The following KCNH8 variants were observed in gnomAD, a reference collection of about 807,000 sequenced individuals.
The protein encoded by KCNH8 is potassium voltage-gated channel subfamily H member 8, also known as voltage-gated delayed rectifier potassium channel KCNH8.
Under a neutral mutation model 103.6 loss-of-function variants are expected in KCNH8, and 70 were observed. That is an observed-to-expected ratio of 0.68 (90% CI 0.56 to 0.82). The LOEUF is 0.82. Among genes scored for constraint, KCNH8 ranks in the 40% least tolerant of loss-of-function variants. KCNH8 has a pLI of 0.00. For missense variants in KCNH8, 1,217 were observed against 1,329.9 expected (o/e 0.92, Z 1.32); for synonymous variants, 498 against 489.4 (o/e 1.02, Z -0.23).
At chr3:19,266,401 C>T (rs1438823084) in intron 2 of KCNH8, among the ~76,000 whole-genome samples, 1 of 152,132 alleles carries the variant, frequency 6.6e-6, no homozygotes, top group Non-Finnish European at 1.5e-5. Context: ...CTACTCCCCA[C>T]TTCCAAATTC....
chr3:19,175,708 A>G (rs959851325), intron 1 of KCNH8, among the ~76,000 whole-genome samples: 1 of 152,196 alleles, frequency 6.6e-6, no homozygotes, highest in Non-Finnish European at 1.5e-5. Flanking sequence ...TCTTTTGGAA[A>G]TACTGTCAAA....
At chr3:19,187,638 A>G (rs762955482) in intron 1 of KCNH8, among the ~76,000 whole-genome samples, 16 of 152,256 alleles carry the variant, frequency 1.1e-4, no homozygotes, top group Admixed American at 2.0e-4. Context: ...TTTGAAACAG[A>G]TAGCTTTCCT....
intron 5 of KCNH8, among the ~76,000 whole-genome samples, chr3:19,371,136 G>T (rs2066086738): frequency 6.6e-6 from 1 of 150,726 alleles, no homozygotes; most frequent in Non-Finnish European, 1.5e-5. Context: ...GTAATGGGAT[G>T]GCTGGGTCAA....
intron 1 of KCNH8, among the ~76,000 whole-genome samples, chr3:19,230,262 T>A (rs953653579): frequency 6.6e-6 from 1 of 152,202 alleles, no homozygotes; most frequent in Non-Finnish European, 1.5e-5. Context: ...ATATCAGATG[T>A]TAAGCAGAAA....
At chr3:19,291,866 G>A (rs1395708113) in intron 3 of KCNH8, among the ~76,000 whole-genome samples, 7 of 152,128 alleles carry the variant, frequency 4.6e-5, no homozygotes, top group Non-Finnish European at 1.0e-4. Flanking sequence ...CTTGAAACCG[G>A]CATAGGGCTT....
rs1400751376 is a variant in KCNH8, at chr3:19,360,116, C to A, written c.811+12151C>A. On this transcript the variant is annotated intron_variant, in intron 5 of 15. Coordinates refer to ENST00000328405, the MANE Select transcript of KCNH8 (RefSeq NM_144633.3). ...AGGACAGAAATTATACCCTAGATAG[C>A]AAATGAAAATAAGAACAATGTGGCA... 2.6e-5 allele frequency among the ~76,000 whole-genome samples: 4 copies of A among 151,878 alleles called. No individual in the cohort carries two copies. The East Asian group carries it at 7.7e-4, about 29-fold the overall frequency.
intron 1 of KCNH8, among the ~76,000 whole-genome samples, chr3:19,153,956 A>G (rs140953067): frequency 2.0e-3 from 300 of 152,222 alleles, no homozygotes; most frequent in African/African-American, 6.7e-3. Context: ...ATAATATTCA[A>G]TGAATACCAA....
chr3:19,300,706 A>C lies in KCNH8; in HGVS notation c.442+19377A>C, dbSNP rs2065054107. Among the ~76,000 whole-genome samples, 6 of 152,132 alleles carry C rather than the reference A, an allele frequency of 3.9e-5. 1 individual carries two copies. The South Asian group carries it at 1.2e-3, about 31-fold the overall frequency. On this transcript the variant is annotated intron_variant, in intron 3 of 15. Coordinates refer to ENST00000328405, the MANE Select transcript of KCNH8 (RefSeq NM_144633.3). ...TCCTTTATGAGAGTCCTGGGGAAAC[A>C]TTTAGGTCAGGATATGACTTTTGGT...
intron 3 of KCNH8, among the ~76,000 whole-genome samples, chr3:19,301,862 C>T (rs73819514): frequency 0.11 from 16,093 of 152,156 alleles, 980 homozygotes; most frequent in East Asian, 0.17. Flanking sequence ...CTCAGGGGCA[C>T]ACTTTATTTA....
At chr3:19,494,599 C>G (rs776684561) in intron 11 of KCNH8, among the ~76,000 whole-genome samples, 6 of 152,014 alleles carry the variant, frequency 3.9e-5, no homozygotes, top group Non-Finnish European at 7.4e-5. Context: ...ATTCAGTCTT[C>G]TATTTATGGC....
chr3:19,222,473 A>C (rs1481567652), intron 1 of KCNH8, among the ~76,000 whole-genome samples: 4 of 152,312 alleles, frequency 2.6e-5, no homozygotes, highest in Non-Finnish European at 5.9e-5. Context: ...CTTGAACTAG[A>C]GTTGACTAAT....
At chr3:19,170,789 CATAT>C (rs35694087) in intron 1 of KCNH8, among the ~76,000 whole-genome samples, 31 of 108,014 alleles carry the variant, frequency 2.9e-4, no homozygotes, top group Admixed American at 5.9e-4. Flanking sequence ...CACACACACA[CATAT>C]ATATATATAT....
At chr3:19,268,493 A>G (rs750784315) in intron 2 of KCNH8, among the ~76,000 whole-genome samples, 6 of 152,100 alleles carry the variant, frequency 3.9e-5, no homozygotes, top group Non-Finnish European at 7.4e-5. Flanking sequence ...TAGGTAAACC[A>G]AGTTAGATCA....
intron 1 of KCNH8, among the ~76,000 whole-genome samples, chr3:19,222,268 C>A (rs747266682): frequency 3.9e-5 from 6 of 152,130 alleles, no homozygotes; most frequent in Non-Finnish European, 8.8e-5. Context: ...GGGCTATGCC[C>A]TTCTACATAA....
At chr3:19,496,230 T>C (rs940646657) in intron 11 of KCNH8, among the ~76,000 whole-genome samples, 2 of 152,220 alleles carry the variant, frequency 1.3e-5, no homozygotes, top group Admixed American at 6.5e-5. Context: ...TCCAGTACTA[T>C]GTTGAATAGG....
At chr3:19,320,389 AC>A (rs1283662385) in intron 3 of KCNH8, among the ~76,000 whole-genome samples, 1 of 150,704 alleles carries the variant, frequency 6.6e-6, no homozygotes, top group Non-Finnish European at 1.5e-5. Flanking sequence ...ATTTTGTTGA[AC>A]CCTTTTTCTG....
At position 19,281,194 on chromosome 3, in the gene KCNH8, G is replaced by T; in HGVS notation, c.311-4G>T. 6.2e-7 allele frequency: 1 copy of T among 1,606,572 alleles called. No homozygotes were observed. ...TTTGTATTTTTTTTTCTTTACTGTT[G>T]CAGGGTCTCCATTTTGGTGCCTACT... On this transcript the variant is annotated splice_region_variant and splice_polypyrimidine_tract_variant and intron_variant, in intron 2 of 15. Coordinates refer to ENST00000328405, the MANE Select transcript of KCNH8 (RefSeq NM_144633.3).
intron 7 of KCNH8, among the ~76,000 whole-genome samples, chr3:19,396,910 G>A (rs2066527221): frequency 6.6e-6 from 1 of 151,836 alleles, no homozygotes; most frequent in Non-Finnish European, 1.5e-5. Flanking sequence ...TTTTAGACCT[G>A]ACCTAATTTT....
intron 11 of KCNH8, among the ~76,000 whole-genome samples, chr3:19,496,127 A>C (rs2068436142): frequency 6.6e-6 from 1 of 152,196 alleles, no homozygotes; most frequent in African/African-American, 2.4e-5. Flanking sequence ...TAGATATAAA[A>C]TTATATTGTC....
Sources: gnomAD v4.1 joint callset for allele counts (sites outside exome capture counted in the v4.1 genomes callset) on GRCh38, gnomAD v4.1.1 for gene constraint, MANE v1.5 for transcripts, NCBI Gene and HGNC (gene_info 2026-07-23, HGNC 2026-07-21) for gene names.